Variants in WDR59 observed in about 807,000 individuals in gnomAD.
WDR59 encodes the protein GATOR2 complex protein WDR59.
WDR59 carries 100 observed loss-of-function variants against 131.2 expected under a neutral mutation model. The observed-to-expected ratio is 0.76, with a 90% CI of 0.65 to 0.90. WDR59 has a LOEUF of 0.90. WDR59 is among the 40% of genes least tolerant of loss of function. The pLI is 0.00. For synonymous variants in WDR59, 601 were observed against 466.2 expected (o/e 1.29, Z -3.72); for missense variants, 1,203 against 1,262.2 (o/e 0.95, Z 0.71).
intron 5 of WDR59, 92 bp downstream of exon 5, chr16:74,949,626 T>C: frequency 9.1e-7 from 1 of 1,103,168 alleles, no homozygotes; most frequent in South Asian, 1.3e-5. Flanking sequence ...GAGGTCTGTA[T>C]CGAGGGGAAA....
intron 8 of WDR59, among the ~76,000 whole-genome samples, chr16:74,931,986 T>C (rs1483177413): frequency 1.3e-5 from 2 of 151,956 alleles, no homozygotes; most frequent in Admixed American, 6.6e-5. Context: ...AATATCAACT[T>C]AAATTATAAT....
At chr16:74,947,721 G>T (rs1179017720) in intron 6 of WDR59, among the ~76,000 whole-genome samples, 1 of 152,106 alleles carries the variant, frequency 6.6e-6, no homozygotes, top group Middle Eastern at 3.2e-3. Context: ...TTCTTCTTTT[G>T]CAAAACATAC....
At chr16:74,967,308 C>T (rs1241249099) in intron 1 of WDR59, among the ~76,000 whole-genome samples, 1 of 152,140 alleles carries the variant, frequency 6.6e-6, no homozygotes, top group Admixed American at 6.6e-5. Flanking sequence ...AAATGAGATG[C>T]CATTTCCAGG....
intron 10 of WDR59, among the ~76,000 whole-genome samples, chr16:74,918,452 T>C (rs1281995466): frequency 1.3e-5 from 2 of 152,256 alleles, no homozygotes; most frequent in African/African-American, 4.8e-5. Context: ...CTCGAAGAGC[T>C]GGAGATGAAC....
intron 2 of WDR59, among the ~76,000 whole-genome samples, chr16:74,957,081 CTTTTT>C (rs34834142): frequency 8.1e-6 from 1 of 123,938 alleles, no homozygotes; most frequent in Non-Finnish European, 1.7e-5. Context: ...CTTTTTTTTT[CTTTTT>C]TTTTTTTTTT....
chr16:74,911,300 A>C (rs938349446), intron 14 of WDR59, among the ~76,000 whole-genome samples: 1 of 152,224 alleles, frequency 6.6e-6, no homozygotes, highest in Admixed American at 6.5e-5. Context: ...GTCAAATACC[A>C]CAAGATCTGA....
chr16:74,954,598 A>C (rs1032592268), intron 3 of WDR59, among the ~76,000 whole-genome samples: 2 of 152,220 alleles, frequency 1.3e-5, no homozygotes, highest in Non-Finnish European at 2.9e-5. Flanking sequence ...GGTTCCCTCC[A>C]AAAGTTAAAC....
At chr16:74,896,816 C>A (rs1261782696) in intron 18 of WDR59, among the ~76,000 whole-genome samples, 1 of 152,136 alleles carries the variant, frequency 6.6e-6, no homozygotes, top group African/African-American at 2.4e-5. Context: ...AGTATCAGCT[C>A]CTGCTCCTGG....
chr16:74,914,558 G>C (rs981088268), intron 13 of WDR59, among the ~76,000 whole-genome samples: 2 of 151,388 alleles, frequency 1.3e-5, no homozygotes, highest in Admixed American at 1.3e-4. Context: ...CGTTTCCTCA[G>C]CTGTAAAGTG....
chr16:74,905,297 C>T (rs1965744470), intron 17 of WDR59, among the ~76,000 whole-genome samples: 1 of 151,862 alleles, frequency 6.6e-6, no homozygotes, highest in South Asian at 2.1e-4. Flanking sequence ...ATCACTTGAA[C>T]CCGGGAGGCG....
Position 74,889,749 on chromosome 16 carries a change from T to C in WDR59, c.2149A>G (p.Thr717Ala), listed in dbSNP as rs1859505400. ...CCAAATGGATGTCGAGCCCAGGGTG[T>C]TTCCAAATCTGGGTCAGATTTCGGA... ...LGPKSDPDLE[T>A]PWARHPFGRQ... The change falls in exon 21 of 26, where the codon ACA becomes GCA. Residue 717 changes from threonine (T) to alanine (A), a missense_variant. By Grantham distance (58) the Thr-to-Ala change is moderately conservative. Coordinates refer to ENST00000262144, the MANE Select transcript of WDR59 (RefSeq NM_030581.4). 1 of 1,614,152 alleles carries C rather than the reference T, an allele frequency of 6.2e-7. No individual in the cohort carries two copies.
At chr16:74,928,165 C>A (rs2031035520) in intron 8 of WDR59, among the ~76,000 whole-genome samples, 1 of 151,236 alleles carries the variant, frequency 6.6e-6, no homozygotes, top group South Asian at 2.1e-4. Context: ...CCCAGCCTCC[C>A]AAAGTGCTGG....
chr16:74,931,732 G>A (rs182674555), intron 8 of WDR59, among the ~76,000 whole-genome samples: 72 of 152,176 alleles, frequency 4.7e-4, no homozygotes, highest in African/African-American at 1.5e-3. Context: ...AAATTAGCCA[G>A]GCATTGTGGC....
At chr16:74,916,087 A>C in intron 12 of WDR59, 40 bp downstream of exon 12, 1 of 1,614,164 alleles carries the variant, frequency 6.2e-7, no homozygotes, top group Non-Finnish European at 8.5e-7. Context: ...TGCAATGCGT[A>C]GAGTGGCACC....
chr16:74,911,167 G>A (rs1015177488), intron 14 of WDR59, among the ~76,000 whole-genome samples: 1 of 152,078 alleles, frequency 6.6e-6, no homozygotes, highest in Admixed American at 6.6e-5. Context: ...CCCGGAAAAG[G>A]TCTGATTTTT....
intron 1 of WDR59, among the ~76,000 whole-genome samples, chr16:74,974,029 G>C (rs1036814099): frequency 5.3e-5 from 8 of 152,158 alleles, no homozygotes; most frequent in South Asian, 4.1e-4. Flanking sequence ...AATTAGCTGG[G>C]CATGGTGGCA....
intron 6 of WDR59, among the ~76,000 whole-genome samples, chr16:74,943,589 T>C (rs1009815911): frequency 2.0e-5 from 3 of 152,208 alleles, no homozygotes; most frequent in Admixed American, 2.0e-4. Context: ...TCTAGCTGAC[T>C]TTTAAAAAAT....
intron 13 of WDR59, among the ~76,000 whole-genome samples, chr16:74,912,746 C>T (rs888964395): frequency 3.3e-5 from 5 of 152,158 alleles, no homozygotes; most frequent in Admixed American, 6.5e-5. Context: ...CACAGCAAGC[C>T]AGTGATAAGC....
chr16:74,912,379 C>A lies in WDR59; in HGVS notation c.1225-17G>T. 2 of 1,604,522 alleles carry A rather than the reference C, an allele frequency of 1.2e-6. No individual in the cohort carries two copies. Among genetic ancestry groups the A allele is most frequent in the Non-Finnish European group, 1.7e-6 (2 of 1,173,224 alleles). Reference sequence around the variant, plus strand: ...CGCATCCATCTGCAAGAGACAAATCCACAATTGCTGTAGAAACAAACCATA... The same window carrying A: ...CGCATCCATCTGCAAGAGACAAATCAACAATTGCTGTAGAAACAAACCATA... On this transcript the variant is annotated splice_polypyrimidine_tract_variant and intron_variant, in intron 13 of 25. Transcript: ENST00000262144.
Sources: allele counts gnomAD v4.1 joint callset (sites outside exome capture counted in the v4.1 genomes callset), GRCh38; gene constraint gnomAD v4.1.1; transcripts MANE v1.5; gene names NCBI Gene and HGNC (gene_info 2026-07-23, HGNC 2026-07-21).